ATXN7L1: variants seen among roughly 807,000 people sequenced by gnomAD.
The protein encoded by ATXN7L1 is ataxin 7 like 1, also known as ataxin-7-like protein 1.
Under a neutral mutation model 70.8 loss-of-function variants are expected in ATXN7L1, and 15 were observed. The observed-to-expected ratio is 0.21, with a 90% CI of 0.14 to 0.33. The LOEUF is 0.33. Ranked by LOEUF, ATXN7L1 falls within the 10% of genes least tolerant of loss-of-function variation. The probability of loss-of-function intolerance (pLI) is 1.00; values close to 1 mark genes in which losing one functional copy is unlikely to be tolerated. For missense variants in ATXN7L1, 975 were observed against 1,097.1 expected (o/e 0.89, Z 1.57); for synonymous variants, 440 against 445.1 (o/e 0.99, Z 0.14).
chr7:105,706,144 T>A (rs1452909922), intron 3 of ATXN7L1, among the ~76,000 whole-genome samples: 1 of 152,222 alleles, frequency 6.6e-6, no homozygotes, highest in Non-Finnish European at 1.5e-5. Flanking sequence ...CCACTGTGCT[T>A]ATTTTTTAAC....
intron 3 of ATXN7L1, among the ~76,000 whole-genome samples, chr7:105,674,517 A>T (rs1250182493): frequency 1.3e-5 from 2 of 152,180 alleles, no homozygotes; most frequent in Non-Finnish European, 2.9e-5. Flanking sequence ...AAAGCTTAGC[A>T]AGATTGTGAA....
chr7:105,691,348 T>G (rs1231379151), intron 3 of ATXN7L1, among the ~76,000 whole-genome samples: 1 of 152,128 alleles, frequency 6.6e-6, no homozygotes, highest in African/African-American at 2.4e-5. Context: ...AAGTGACCCC[T>G]AAGAAATTAA....
intron 3 of ATXN7L1, among the ~76,000 whole-genome samples, chr7:105,754,946 G>A (rs1799632744): frequency 6.6e-6 from 1 of 152,156 alleles, no homozygotes; most frequent in African/African-American, 2.4e-5. Flanking sequence ...TAAGTCCTGT[G>A]GGTACCATCC....
intron 3 of ATXN7L1, among the ~76,000 whole-genome samples, chr7:105,720,725 C>T (rs950695326): frequency 6.6e-5 from 10 of 152,188 alleles, no homozygotes; most frequent in African/African-American, 2.2e-4. Flanking sequence ...CAGCCTCAGC[C>T]TCCCAAAATG....
chr7:105,755,917 C>T (rs956249602), intron 3 of ATXN7L1, among the ~76,000 whole-genome samples: 1 of 152,152 alleles, frequency 6.6e-6, no homozygotes, highest in Non-Finnish European at 1.5e-5. Context: ...AGAACTTTGC[C>T]AAGCACCCCA....
rs117375558 is a variant in ATXN7L1 at position 105,738,147 on chromosome 7, C to T, written c.355+50457G>A. ...GAAAAGATAGATTTAAAAGATCTTC[C>T]AGGACGGCTCTCTGTCACTTCCAGA... On this transcript the variant is annotated intron_variant, in intron 3 of 11. Coordinates refer to ENST00000419735, the MANE Select transcript of ATXN7L1 (RefSeq NM_020725.2). Among the ~76,000 whole-genome samples, 3 of 152,344 alleles carry T rather than the reference C, an allele frequency of 2.0e-5. No homozygotes were observed. In the East Asian group the frequency reaches 5.8e-4, roughly 29 times the overall value.
At chr7:105,794,758 G>T (rs1805747833) in intron 2 of ATXN7L1, among the ~76,000 whole-genome samples, 1 of 152,184 alleles carries the variant, frequency 6.6e-6, no homozygotes, top group Non-Finnish European at 1.5e-5. Context: ...AATTGTCATG[G>T]GTGGGGTGGG....
chr7:105,847,175 C>T (rs1231444796), intron 2 of ATXN7L1, among the ~76,000 whole-genome samples: 1 of 152,166 alleles, frequency 6.6e-6, no homozygotes, highest in Non-Finnish European at 1.5e-5. Flanking sequence ...CCAAGCGTCA[C>T]AGAGAAGAGA....
intron 2 of ATXN7L1, among the ~76,000 whole-genome samples, chr7:105,846,285 G>A (rs987258350): frequency 6.6e-6 from 1 of 152,068 alleles, no homozygotes; most frequent in African/African-American, 2.4e-5. Context: ...GCCACCGTCG[G>A]CAACACAGCG....
intron 2 of ATXN7L1, among the ~76,000 whole-genome samples, chr7:105,853,509 G>GC (rs1815213175): frequency 2.6e-5 from 4 of 151,900 alleles, no homozygotes; most frequent in Admixed American, 2.6e-4. Context: ...AGCAGAGATC[G>GC]CACCATTACA....
intron 2 of ATXN7L1, among the ~76,000 whole-genome samples, chr7:105,837,675 G>A (rs1021509541): frequency 6.6e-6 from 1 of 152,078 alleles, no homozygotes; most frequent in Non-Finnish European, 1.5e-5. Context: ...GGAGGTGAAC[G>A]CATGAACAGG....
chr7:105,642,881 T>C lies in ATXN7L1; in HGVS notation c.819A>G (p.Gln273=), dbSNP rs1196279502. 1.3e-6 allele frequency: 2 copies of C among 1,551,730 alleles called. No homozygotes were observed. The highest frequency in any genetic ancestry group is 8.7e-7 in the Non-Finnish European group (1 of 1,147,000). The change falls in exon 5 of 12, where the codon CAA becomes CAG. Residue 273 remains glutamine (Q), a synonymous_variant. Coordinates refer to ENST00000419735, the MANE Select transcript of ATXN7L1 (RefSeq NM_020725.2). The part of the protein sequence containing the change: ...ILPTTIDKKH[Q]NGTKNSNKPY... The stretch of plus-strand genomic sequence containing the variant: ...GCTTGTTGCTGTTTTTGGTGCCATT[T>C]TGGTGTTTCTTGTCTATGGTGGTTG...
intron 3 of ATXN7L1, among the ~76,000 whole-genome samples, chr7:105,676,413 G>T (rs1017064386): frequency 4.6e-5 from 7 of 152,212 alleles, no homozygotes; most frequent in African/African-American, 1.4e-4. Flanking sequence ...ACCTTAGGAT[G>T]ACACAGCTGA....
chr7:105,755,928 C>A (rs1486876447), intron 3 of ATXN7L1, among the ~76,000 whole-genome samples: 1 of 152,206 alleles, frequency 6.6e-6, no homozygotes, highest in Non-Finnish European at 1.5e-5. Context: ...AAGCACCCCA[C>A]TCCATGTGTC....
intron 2 of ATXN7L1, among the ~76,000 whole-genome samples, chr7:105,858,280 C>G (rs1327267991): frequency 1.3e-5 from 2 of 152,164 alleles, no homozygotes; most frequent in Non-Finnish European, 1.5e-5. Flanking sequence ...TGTTCAACTA[C>G]TTACTATGAG....
chr7:105,827,210 T>A (rs1339953082), intron 2 of ATXN7L1, among the ~76,000 whole-genome samples: 1 of 152,226 alleles, frequency 6.6e-6, no homozygotes, highest in African/African-American at 2.4e-5. Flanking sequence ...AACTGACTTC[T>A]CTTGTTGGAT....
At chr7:105,709,202 C>T (rs926238639) in intron 3 of ATXN7L1, among the ~76,000 whole-genome samples, 7 of 152,020 alleles carry the variant, frequency 4.6e-5, no homozygotes, top group East Asian at 3.9e-4. Flanking sequence ...GGCATGGTGG[C>T]GGGCGCCTAT....
intron 3 of ATXN7L1, among the ~76,000 whole-genome samples, chr7:105,770,561 T>C (rs2116437638): frequency 6.6e-6 from 1 of 152,116 alleles, no homozygotes; most frequent in East Asian, 1.9e-4. Context: ...AGACTATAAG[T>C]GTGTGCTGTG....
chr7:105,710,662 C>T (rs1015517034), intron 3 of ATXN7L1, among the ~76,000 whole-genome samples: 4 of 151,938 alleles, frequency 2.6e-5, no homozygotes, highest in Non-Finnish European at 5.9e-5. Context: ...CCACCCACCT[C>T]GGCCTCCCAA....
Sources: gnomAD v4.1 joint callset for allele counts (sites outside exome capture counted in the v4.1 genomes callset) on GRCh38, gnomAD v4.1.1 for gene constraint, MANE v1.5 for transcripts, NCBI Gene and HGNC (gene_info 2026-07-23, HGNC 2026-07-21) for gene names.